The following PRKAR1B variants were observed in gnomAD, a reference collection of about 807,000 sequenced individuals.
PRKAR1B encodes protein kinase cAMP-dependent type I regulatory subunit beta, also known as cAMP-dependent protein kinase type I-beta regulatory subunit.
PRKAR1B carries 22 observed loss-of-function variants against 46.5 expected under a neutral mutation model. The ratio of observed to expected loss-of-function variants is 0.47; its 90% CI spans 0.34 to 0.68. The LOEUF is 0.68. PRKAR1B is among the 30% of genes least tolerant of loss of function. The pLI, the probability that PRKAR1B is intolerant of heterozygous loss-of-function variation, is 0.01. For missense variants in PRKAR1B, 445 were observed against 535.6 expected, an observed-to-expected ratio of 0.83 and a Z score of 1.67; for synonymous variants, 259 against 217.7, an observed-to-expected ratio of 1.19 and a Z score of -1.67.
At chr7:582,690 T>C (rs1780257444) in intron 8 of PRKAR1B, among the ~76,000 whole-genome samples, 1 of 152,186 alleles carries the variant, frequency 6.6e-6, no homozygotes, top group African/African-American at 2.4e-5. Context: ...TCGCCCTTCA[T>C]GGCCTGCAGC....
chr7:723,065 C>T (rs572573474), intron 1 of PRKAR1B, among the ~76,000 whole-genome samples: 1 of 152,304 alleles, frequency 6.6e-6, no homozygotes, highest in African/African-American at 2.4e-5. Flanking sequence ...CGCCTGGTGT[C>T]ACTGGGCTAC....
Position 554,458 on chromosome 7 carries a change from G to C in PRKAR1B, c.892-2988C>G, listed in dbSNP as rs149920448. ...TCAGAATCCAGGCGATGAACCTGAC[G>C]GCCTCTGGTTCACAGGATTACTTGG... On this transcript the variant is annotated intron_variant, in intron 9 of 10. Coordinates refer to ENST00000537384, the MANE Select transcript of PRKAR1B (RefSeq NM_001164760.2). 2.6e-5 allele frequency among the ~76,000 whole-genome samples: 4 copies of C among 152,352 alleles called. No individual in the cohort carries two copies. The East Asian group carries it at 7.7e-4, about 29-fold the overall frequency.
At chr7:569,177 C>T (rs1010235520) in intron 9 of PRKAR1B, among the ~76,000 whole-genome samples, 1 of 152,130 alleles carries the variant, frequency 6.6e-6, no homozygotes, top group Non-Finnish European at 1.5e-5. Flanking sequence ...TGTCTCAGTC[C>T]GCAAGCGGCA....
At chr7:562,202 G>A (rs2128426496) in intron 9 of PRKAR1B, among the ~76,000 whole-genome samples, 1 of 152,030 alleles carries the variant, frequency 6.6e-6, no homozygotes, top group East Asian at 1.9e-4. Flanking sequence ...GGGGAACCAG[G>A]GCGAGCACAG....
Position 677,212 on chromosome 7 carries a change from G to C in PRKAR1B, c.440+17C>G. ...GAGGGCGGCGGTGATGCCGGGGCAGGGGACGAGTCTGCCTACCTCCTCTCG... is the reference window on the plus strand; with the variant it reads ...GAGGGCGGCGGTGATGCCGGGGCAGCGGACGAGTCTGCCTACCTCCTCTCG... On this transcript the variant is annotated intron_variant, in intron 4 of 10. Coordinates refer to ENST00000537384, the MANE Select transcript of PRKAR1B (RefSeq NM_001164760.2). 6.2e-7 allele frequency: 1 copy of C among 1,613,512 alleles called. No homozygotes were observed. Among genetic ancestry groups the C allele is most frequent in the Non-Finnish European group, 8.5e-7 (1 of 1,179,418 alleles).
chr7:608,682 G>A (rs1167491872), intron 4 of PRKAR1B, among the ~76,000 whole-genome samples: 1 of 129,088 alleles, frequency 7.7e-6, no homozygotes, highest in African/African-American at 3.2e-5. Flanking sequence ...TGGCAGGGTT[G>A]TAGGGAGGGC....
rs1780820654 is a variant in PRKAR1B at position 714,937 on chromosome 7, G to A, written c.-22-3410C>T. Among the ~76,000 whole-genome samples the A allele has an allele frequency of 2.6e-5, 4 of 152,260 alleles. No individual in the cohort carries two copies. On this transcript the variant is annotated intron_variant, in intron 1 of 10. Transcript: ENST00000537384. The surrounding 1 kb of genome is among the most constrained non-coding windows in gnomAD (Gnocchi z 4.3). ...GCGGTGGTTCACACCTGTAATCCCA[G>A]CACTTTGGGAGGCCGAGGCAGGTGG...
chr7:656,617 G>A (rs1473580724), intron 4 of PRKAR1B, among the ~76,000 whole-genome samples: 2 of 151,864 alleles, frequency 1.3e-5, no homozygotes, highest in South Asian at 2.1e-4. Flanking sequence ...GGATGCATAA[G>A]TGAATGCGTA....
chr7:657,266 C>CGGATGGATGGAT lies in PRKAR1B; in HGVS notation c.440+19951_440+19962dup, dbSNP rs34846168. Among the ~76,000 whole-genome samples, 102 of 98,818 alleles carry CGGATGGATGGAT rather than the reference C, an allele frequency of 1.0e-3. 1 individual carries two copies. The East Asian group carries it at 0.027, about 26-fold the overall frequency. 64.8% of individuals were successfully genotyped at this position (98,818 alleles called of 152,430 possible). On this transcript the variant is annotated intron_variant, in intron 4 of 10. Coordinates refer to ENST00000537384, the MANE Select transcript of PRKAR1B (RefSeq NM_001164760.2). ...ATGAATGGATGGATGAATGGACGGA[C>CGGATGGATGGAT]GGATGGATGGATGGATGGATGGATG...
intron 2 of PRKAR1B, among the ~76,000 whole-genome samples, chr7:682,393 A>G (rs956227207): frequency 9.9e-5 from 15 of 151,396 alleles, no homozygotes; most frequent in Middle Eastern, 3.4e-3. Flanking sequence ...CTTAGGGAGG[A>G]TCATTTGGCC....
chr7:620,205 T>A (rs1374347277), intron 4 of PRKAR1B, among the ~76,000 whole-genome samples: 1 of 152,222 alleles, frequency 6.6e-6, no homozygotes, highest in African/African-American at 2.4e-5. Context: ...AGCTGCAATT[T>A]GAAGTGGAGC....
At chr7:698,120 C>G in intron 2 of PRKAR1B, among the ~76,000 whole-genome samples, 1 of 145,578 alleles carries the variant, frequency 6.9e-6, no homozygotes, top group African/African-American at 2.7e-5. Flanking sequence ...AATTAACAGG[C>G]TGGGCAGGGC....
intron 4 of PRKAR1B, among the ~76,000 whole-genome samples, chr7:610,369 G>A (rs908944164): frequency 6.6e-6 from 1 of 152,242 alleles, no homozygotes; most frequent in Non-Finnish European, 1.5e-5. Context: ...GCGTGGCCCC[G>A]CTCAGAGCAG....
In PRKAR1B at chr7:691,752, A is replaced by G; in HGVS notation, c.178-11026T>C. ...GAGGGGAATCCAGGGTGCTGAGGGG[A>G]TGGACCACAGGGCTCTACAAACACC... On this transcript the variant is annotated intron_variant, in intron 2 of 10. Transcript: ENST00000537384. 11 of 1,228,334 alleles carry G rather than the reference A, an allele frequency of 9.0e-6. No individual in the cohort carries two copies. The South Asian group carries it at 1.4e-4, about 16-fold the overall frequency. The allele number at this position is 1,228,334 out of a possible 1,614,324, so 76.1% of individuals were successfully genotyped here.
chr7:628,790 T>G (rs1783559472), intron 4 of PRKAR1B, among the ~76,000 whole-genome samples: 1 of 151,052 alleles, frequency 6.6e-6, no homozygotes, highest in Non-Finnish European at 1.5e-5. Context: ...TCCCTCGCCT[T>G]TTCCAAGAAA....
intron 7 of PRKAR1B, among the ~76,000 whole-genome samples, chr7:588,765 G>A (rs200639857): frequency 2.4e-5 from 3 of 125,680 alleles, no homozygotes; most frequent in African/African-American, 6.8e-5. Flanking sequence ...GGTGATGGTG[G>A]TGATGGTGAT....
At chr7:643,951 C>T (rs925342464) in intron 4 of PRKAR1B, among the ~76,000 whole-genome samples, 10 of 152,174 alleles carry the variant, frequency 6.6e-5, no homozygotes, top group African/African-American at 2.4e-4. Flanking sequence ...AGGTCCCAGA[C>T]ATCGCGGGGC....
chr7:706,654 T>C lies in PRKAR1B; in HGVS notation c.177+4675A>G, dbSNP rs1268069593. On this transcript the variant is annotated intron_variant, in intron 2 of 10. Transcript: ENST00000537384. ...GTTAGCCAGAATGGTCTCGATCTCC[T>C]GACCTCGTGATCCGCCCGCCTCAGC... Among the ~76,000 whole-genome samples, 3 of 148,740 alleles carry C rather than the reference T, an allele frequency of 2.0e-5. No homozygotes were observed. In the Admixed American group the frequency reaches 2.0e-4, roughly 10 times the overall value.
At chr7:576,443 G>A (rs924180692) in intron 9 of PRKAR1B, among the ~76,000 whole-genome samples, 8 of 152,112 alleles carry the variant, frequency 5.3e-5, no homozygotes, top group Non-Finnish European at 8.8e-5. Context: ...CGGCTCCCCC[G>A]CAAGGACCCC....
Sources: gnomAD v4.1 joint callset for allele counts (sites outside exome capture counted in the v4.1 genomes callset) on GRCh38, gnomAD v4.1.1 for gene constraint, Gnocchi (gnomAD v3.1) non-coding constraint, MANE v1.5 for transcripts, NCBI Gene and HGNC (gene_info 2026-07-23, HGNC 2026-07-21) for gene names.